CHD3: variants seen among roughly 807,000 people sequenced by gnomAD.
The protein encoded by CHD3 is chromodomain helicase DNA binding protein 3, also known as ATP-dependent chromatin remodeler CHD3.
In CHD3, 52 loss-of-function variants were observed where a neutral mutation model predicts 248.9. That is an observed-to-expected ratio of 0.21 (90% CI 0.17 to 0.26). The LOEUF is 0.26. Among genes scored for constraint, CHD3 ranks in the 10% least tolerant of loss-of-function variants. The pLI is 1.00. For synonymous variants in CHD3, 985 were observed against 985.2 expected (o/e 1.00, Z 0.00); for missense variants, 1,482 against 2,605.8 (o/e 0.57, Z 9.39).
rs748713277 is a variant in CHD3, at chr17:7,907,118, C to G, written c.4667-8C>G. 6.8e-6 allele frequency: 11 copies of G among 1,614,144 alleles called. No homozygotes were observed. Among genetic ancestry groups the G allele is most frequent in the Admixed American group, 1.7e-5 (1 of 60,028 alleles). On this transcript the variant is annotated splice_region_variant and splice_polypyrimidine_tract_variant and intron_variant, in intron 30 of 39. Transcript: ENST00000330494. The surrounding 1 kb of genome is among the most constrained non-coding windows in gnomAD (Gnocchi z 4.3). ...TCTCTGTCTTTATCACTGTGCCTTC[C>G]CCTGCAGCTACTCCAGCTCCAAGTG...
rs1489471187 is a variant in CHD3 at position 7,890,604 on chromosome 17, G to A, written c.247G>A (p.Glu83Lys). 3.1e-6 allele frequency: 5 copies of A among 1,601,480 alleles called. No individual in the cohort carries two copies. The highest frequency in any genetic ancestry group is 8.5e-7 in the Non-Finnish European group (1 of 1,176,440). ...SEEEFGSERD[E>K]YREKSESGGS... ...GGAGGAATTTGGTTCTGAGCGAGAT[G>A]AGTACCGGGAGAAGTCAGAGAGTGG... The change falls in exon 3 of 40, where the codon GAG becomes AAG. Residue 83 changes from glutamate to lysine, a missense_variant. Around this residue, in one of 20 missense-constraint regions of CHD3, gnomAD observed 169 missense variants for 168.1 expected, o/e 1.01. Transcript: ENST00000330494.
At chr17:7,894,805 C>T in intron 8 of CHD3, 112 bp from the exon 9 acceptor site, 2 of 1,511,636 alleles carry the variant, frequency 1.3e-6, no homozygotes, top group South Asian at 1.3e-5. Context: ...CCTTAGTTCC[C>T]ACCAGTCTTC....
rs1970175319 is a variant in CHD3, at chr17:7,900,466, G to C, written c.2804+55G>C. The C allele has an allele frequency of 1.2e-6, 2 of 1,613,142 alleles. No homozygotes were observed. Among genetic ancestry groups the C allele is most frequent in the South Asian group, 2.2e-5 (2 of 91,012 alleles). ...AGATGAGAGGTGGAGCAGATAAAATGAGCTGGTAGAGGATTAATCTGAGGT... is the reference window on the plus strand; with the variant it reads ...AGATGAGAGGTGGAGCAGATAAAATCAGCTGGTAGAGGATTAATCTGAGGT... On this transcript the variant is annotated intron_variant, in intron 17 of 39. Coordinates refer to ENST00000330494, the MANE Select transcript of CHD3 (RefSeq NM_001005273.3). This position sits in a 1 kb window ranked among gnomAD's most constrained non-coding sequence, Gnocchi z 6.5.
upstream of CHD3, among the ~76,000 whole-genome samples, chr17:7,886,555 C>G (rs1567827579): frequency 6.6e-6 from 1 of 152,028 alleles, no homozygotes; most frequent in Non-Finnish European, 1.5e-5. The surrounding 1 kb of genome is among the most constrained non-coding windows in gnomAD (Gnocchi z 4.2). Flanking sequence ...TCTTGTGGGT[C>G]GGGGAGGGAT....
rs1350474558 is a variant in CHD3 at position 7,900,275 on chromosome 17, T to TGCCCC, written c.2683-14_2683-10dup. On this transcript the variant is annotated splice_polypyrimidine_tract_variant and intron_variant, in intron 16 of 39. Coordinates refer to ENST00000330494, the MANE Select transcript of CHD3 (RefSeq NM_001005273.3). The surrounding 1 kb of genome is among the most constrained non-coding windows in gnomAD (Gnocchi z 6.5). ...ATAAGCCCATTTTCCTGCCTTGCCTTGCCCCATCTTTTAGTTTTTCAGGGT... is the reference window on the plus strand; with the variant it reads ...ATAAGCCCATTTTCCTGCCTTGCCTTGCCCCGCCCCATCTTTTAGTTTTTCAGGGT... 1.2e-6 allele frequency: 2 copies of TGCCCC among 1,614,096 alleles called. No homozygotes were observed. Among genetic ancestry groups the TGCCCC allele is most frequent in the Non-Finnish European group, 8.5e-7 (1 of 1,180,024 alleles).
intron 20 of CHD3, among the ~76,000 whole-genome samples, chr17:7,901,713 G>A (rs146064624): frequency 0.018 from 2,805 of 152,048 alleles, 37 homozygotes; most frequent in Middle Eastern, 0.095. Context: ...ATTTCACCAT[G>A]TTGGTCAGGA....
rs1248271594 is a variant in CHD3, at chr17:7,909,078, C to T, written c.5395-65C>T. 15 of 1,534,916 alleles carry T rather than the reference C, an allele frequency of 9.8e-6. No individual in the cohort carries two copies. The highest frequency in any genetic ancestry group is 2.5e-5 in the East Asian group (1 of 40,768). On this transcript the variant is annotated intron_variant, in intron 36 of 39. Coordinates refer to ENST00000330494, the MANE Select transcript of CHD3 (RefSeq NM_001005273.3). This position sits in a 1 kb window ranked among gnomAD's most constrained non-coding sequence, Gnocchi z 8.1. The stretch of plus-strand genomic sequence containing the variant: ...CAGGGTGGGTCTCTTGCTATGTCCG[C>T]CCCCCCAGCCCCTCACCCACTGCTG...
At position 7,904,909 on chromosome 17, in the gene CHD3, G is replaced by T. The variant is rs570033110; in HGVS notation, c.4073-191G>T. ...GGGGCCCAGAGACTGAAGGTGGGCGGTGAATGGAGATGGTGTAGGATATGC... is the reference window on the plus strand; with the variant it reads ...GGGGCCCAGAGACTGAAGGTGGGCGTTGAATGGAGATGGTGTAGGATATGC... On this transcript the variant is annotated intron_variant, in intron 25 of 39. Coordinates refer to ENST00000330494, the MANE Select transcript of CHD3 (RefSeq NM_001005273.3). This position sits in a 1 kb window ranked among gnomAD's most constrained non-coding sequence, Gnocchi z 4.4. Among the ~76,000 whole-genome samples, 3 of 152,322 alleles carry T rather than the reference G, an allele frequency of 2.0e-5. No individual in the cohort carries two copies. In the East Asian group the frequency reaches 5.8e-4, roughly 29 times the overall value.
Position 7,889,667 on chromosome 17 carries a change from A to C in CHD3, c.104A>C (p.Lys35Thr). 1 of 1,611,426 alleles carries C rather than the reference A, an allele frequency of 6.2e-7. No individual in the cohort carries two copies. Among genetic ancestry groups the C allele is most frequent in the Non-Finnish European group, 8.5e-7 (1 of 1,178,494 alleles). ...GLCWGDRMPD[K>T]DDIRLLPSAL... ...TCTGATGCTTTTTGCTTCAAAGATAAGGATGACATTCGGCTGCTGCCGTCA... is the reference window on the plus strand; with the variant it reads ...TCTGATGCTTTTTGCTTCAAAGATACGGATGACATTCGGCTGCTGCCGTCA... The change falls in exon 2 of 40, where the codon AAG becomes ACG. Residue 35 changes from lysine (K) to threonine (T), a missense_variant. Lys to Thr is a moderately conservative substitution (Grantham distance 78). Transcript: ENST00000330494. This position sits in a 1 kb window ranked among gnomAD's most constrained non-coding sequence, Gnocchi z 4.5.
chr17:7,885,331 GCCGCCGCCGCCGCCA>G (rs1376028988), upstream of CHD3: 2 of 180,172 alleles, frequency 1.1e-5, no homozygotes, highest in African/African-American at 4.9e-5. Flanking sequence ...CGCCGCCGCC[GCCGCCGCCGCCGCCA>G]CCCCGGCTGG....
chr17:7,884,848 G>A (rs772711535), upstream of CHD3: 845 of 1,115,704 alleles, frequency 7.6e-4, 4 homozygotes, highest in South Asian at 6.6e-3. Flanking sequence ...AGGAGGAGGA[G>A]ATGGTGGTGT....
In CHD3 at chr17:7,911,731, C is replaced by A; in HGVS notation, c.*146C>A. ...AACCCCTTTGCCCCTCTCTGCAGCT[C>A]CTCTCTTCAAGAAGGGCCCTTTGTC... On this transcript the variant is annotated 3_prime_UTR_variant, in exon 40 of 40. Coordinates refer to ENST00000330494, the MANE Select transcript of CHD3 (RefSeq NM_001005273.3). This position sits in a 1 kb window ranked among gnomAD's most constrained non-coding sequence, Gnocchi z 5.4. 1 of 1,542,794 alleles carries A rather than the reference C, an allele frequency of 6.5e-7. No homozygotes were observed. Among genetic ancestry groups the A allele is most frequent in the Non-Finnish European group, 8.8e-7 (1 of 1,141,634 alleles).
chr17:7,909,410 A>C lies in CHD3; in HGVS notation c.5590+72A>C, dbSNP rs1971376521. On this transcript the variant is annotated intron_variant, in intron 37 of 39. Transcript: ENST00000330494. The surrounding 1 kb of genome is among the most constrained non-coding windows in gnomAD (Gnocchi z 8.1). ...GTAAGTCTTCACCCCGCACCCCTCA[A>C]AATCTTCCCACCCCCTGACCCCTCT... The C allele has an allele frequency of 6.8e-7, 1 of 1,461,334 alleles. No individual in the cohort carries two copies. 90.5% of individuals were successfully genotyped at this position (1,461,334 alleles called of 1,614,324 possible).
At position 7,900,312 on chromosome 17, in the gene CHD3, A is replaced by G. The variant is rs751849363; in HGVS notation, c.2705A>G (p.Tyr902Cys). The G allele has an allele frequency of 6.2e-7, 1 of 1,614,152 alleles. No homozygotes were observed. ...TAGTTTTTCAGGGTTCTCAATGGTT[A>G]CAAGATAGATCATAAGTTGCTGCTG... ...QSKFFRVLNG[Y>C]KIDHKLLLTG... Residue 902 changes from tyrosine to cysteine, a missense_variant, in exon 17 of 40, where the codon TAC (tyrosine) becomes TGC (cysteine). By Grantham distance (194) the Tyr-to-Cys change is radical. Coordinates refer to ENST00000330494, the MANE Select transcript of CHD3 (RefSeq NM_001005273.3). The surrounding 1 kb of genome is among the most constrained non-coding windows in gnomAD (Gnocchi z 6.5).
chr17:7,896,965 A>G (rs769399908), intron 10 of CHD3, 118 bp from the exon 11 acceptor site: 7 of 832,618 alleles, frequency 8.4e-6, no homozygotes, highest in Non-Finnish European at 1.2e-5. Context: ...GGGCCAATCC[A>G]TCCTTTTTCA....
chr17:7,886,722 G>A (rs1302483982), upstream of CHD3, among the ~76,000 whole-genome samples: 1 of 152,128 alleles, frequency 6.6e-6, no homozygotes, highest in Non-Finnish European at 1.5e-5. The surrounding 1 kb of genome is among the most constrained non-coding windows in gnomAD (Gnocchi z 4.2). Context: ...GGTTGCCTCC[G>A]GCAGAGGCGC....
At chr17:7,894,872 C>T in intron 8 of CHD3, 45 bp from the exon 9 acceptor site, 1 of 1,603,512 alleles carries the variant, frequency 6.2e-7, no homozygotes, top group African/African-American at 1.3e-5. Flanking sequence ...AGTTTCATTC[C>T]TTAATTTCTT....
Position 7,899,601 on chromosome 17 carries a change from A to C in CHD3, c.2544+58A>C. 7 of 1,548,800 alleles carry C rather than the reference A, an allele frequency of 4.5e-6. No homozygotes were observed. Among genetic ancestry groups the C allele is most frequent in the Non-Finnish European group, 6.2e-6 (7 of 1,128,680 alleles). ...CTCAAAGCTGTCACTTCTTTTTCTCAGCCAGGAATTCAGTTTCTCTATTCC... is the reference window on the plus strand; with the variant it reads ...CTCAAAGCTGTCACTTCTTTTTCTCCGCCAGGAATTCAGTTTCTCTATTCC... On this transcript the variant is annotated intron_variant, in intron 15 of 39. Coordinates refer to ENST00000330494, the MANE Select transcript of CHD3 (RefSeq NM_001005273.3). This position sits in a 1 kb window ranked among gnomAD's most constrained non-coding sequence, Gnocchi z 6.8.
In CHD3 at chr17:7,911,003, C is replaced by T; in HGVS notation, c.5881+30C>T. 6.2e-7 allele frequency: 1 copy of T among 1,611,132 alleles called. No individual in the cohort carries two copies. The highest frequency in any genetic ancestry group is 8.5e-7 in the Non-Finnish European group (1 of 1,179,104). ...GCTGGTGTTTTCCTACCCCCTGCTA[C>T]TCACACTCCTCCTTTGCCAAACTTT... On this transcript the variant is annotated intron_variant, in intron 39 of 39. Coordinates refer to ENST00000330494, the MANE Select transcript of CHD3 (RefSeq NM_001005273.3). The surrounding 1 kb of genome is among the most constrained non-coding windows in gnomAD (Gnocchi z 5.4).
Sources: gnomAD v4.1 joint callset for allele counts (sites outside exome capture counted in the v4.1 genomes callset) on GRCh38, gnomAD v4.1.1 for gene constraint, gnomAD v4.1.1 regional missense constraint, Gnocchi (gnomAD v3.1) non-coding constraint, MANE v1.5 for transcripts, NCBI Gene and HGNC (gene_info 2026-07-23, HGNC 2026-07-21) for gene names.